The following TLE3 variants were observed in gnomAD, a reference collection of about 807,000 sequenced individuals.
The protein encoded by TLE3 is TLE family member 3, transcriptional corepressor.
In TLE3, 14 loss-of-function variants were observed where a neutral mutation model predicts 93.0. The observed-to-expected ratio is 0.15, with a 90% CI of 0.10 to 0.24. The LOEUF is 0.24. Ranked by LOEUF, TLE3 falls within the 10% of genes least tolerant of loss-of-function variation. The pLI, the probability that TLE3 is intolerant of heterozygous loss-of-function variation, is 1.00. For missense variants in TLE3, 693 were observed against 1,046.6 expected, an observed-to-expected ratio of 0.66 and a Z score of 4.66; for synonymous variants, 451 against 425.0, an observed-to-expected ratio of 1.06 and a Z score of -0.75.
intron 16 of TLE3, 171 bp from the exon 17 acceptor site, chr15:70,053,545 T>G: frequency 4.5e-6 from 3 of 673,102 alleles, no homozygotes; most frequent in East Asian, 3.3e-5. Context: ...CTCTTTCCAG[T>G]TCCAGGCCTC....
intron 4 of TLE3, among the ~76,000 whole-genome samples, chr15:70,087,814 T>C (rs2058100133): frequency 6.6e-6 from 1 of 152,260 alleles, no homozygotes; most frequent in Admixed American, 6.5e-5. Flanking sequence ...TCCAAAGGAC[T>C]GCATTTTCAA....
At chr15:70,089,416 G>A (rs927319824) in intron 4 of TLE3, among the ~76,000 whole-genome samples, 1 of 152,142 alleles carries the variant, frequency 6.6e-6, no homozygotes, top group African/African-American at 2.4e-5. Flanking sequence ...ACTGCTTTGG[G>A]AATGAATCCA....
Position 70,049,346 on chromosome 15 carries a change from C to T in TLE3, c.*751G>A, listed in dbSNP as rs554628036. ...AGTGCCTTCCATCCCTCAGTCTGGC[C>T]GGCTGGTTATCAGTCCGGATGCCCA... is the stretch of plus-strand genomic sequence containing the variant. On this transcript the variant is annotated 3_prime_UTR_variant, in exon 20 of 20. Transcript: ENST00000451782. 3.9e-5 allele frequency: 6 copies of T among 152,326 alleles called. No individual in the cohort carries two copies. The highest frequency in any genetic ancestry group is 4.1e-4 in the South Asian group (2 of 4,826). 9.4% of individuals were successfully genotyped at this position (152,326 alleles called of 1,614,324 possible).
chr15:70,072,055 G>A (rs551526687), intron 6 of TLE3, among the ~76,000 whole-genome samples: 34 of 152,230 alleles, frequency 2.2e-4, no homozygotes, highest in Non-Finnish European at 4.1e-4. Context: ...GTCAGGCGCA[G>A]CGATTAGACG....
In TLE3 at chr15:70,058,351, G is replaced by GGCA; in HGVS notation, c.919-63_919-61dup. 1.1e-5 allele frequency: 17 copies of GGCA among 1,538,874 alleles called. No individual in the cohort carries two copies. The highest frequency in any genetic ancestry group is 1.5e-5 in the Non-Finnish European group (17 of 1,141,834). On this transcript the variant is annotated intron_variant, in intron 11 of 19. Coordinates refer to ENST00000451782, the MANE Select transcript of TLE3 (RefSeq NM_001105192.3). This position sits in a 1 kb window ranked among gnomAD's most constrained non-coding sequence, Gnocchi z 4.1. ...GAGGCTTCCATTCTCCTAGGAGCCG[G>GGCA]GCACAACTGGTGCCGGTCCCAACGT... is the stretch of plus-strand genomic sequence containing the variant.
intron 4 of TLE3, among the ~76,000 whole-genome samples, chr15:70,078,754 C>G (rs2057586222): frequency 6.6e-6 from 1 of 152,230 alleles, no homozygotes; most frequent in Admixed American, 6.5e-5. Context: ...GGCCACTACT[C>G]CTCCCCACAG....
intron 19 of TLE3, 42 bp from the exon 20 acceptor site, chr15:70,050,246 G>A (rs1218785872): frequency 6.7e-7 from 1 of 1,484,054 alleles, no homozygotes; most frequent in East Asian, 2.3e-5. Flanking sequence ...AAGGCGTGGG[G>A]TGCAGGGAGA....
At position 70,095,432 on chromosome 15, in the gene TLE3, G is replaced by A. The variant is rs1305088203; in HGVS notation, c.189+146C>T. The A allele has an allele frequency of 3.3e-6, 5 of 1,516,284 alleles. 1 individual carries two copies. The highest frequency in any genetic ancestry group is 2.5e-5 in the South Asian group (2 of 78,586). The allele number at this position is 1,516,284 out of a possible 1,614,324, so 93.9% of individuals were successfully genotyped here. A position where few individuals can be genotyped will look rare whatever the true frequency, so the allele number is the denominator to read the frequency against. On this transcript the variant is annotated intron_variant, in intron 3 of 19. Coordinates refer to ENST00000451782, the MANE Select transcript of TLE3 (RefSeq NM_001105192.3). Reference sequence around the variant, plus strand: ...CGGCAATGGAAGCTGGGGAAGGGGAGGGCAAGACCAGATTATGCCCTCTCT... The same window carrying A: ...CGGCAATGGAAGCTGGGGAAGGGGAAGGCAAGACCAGATTATGCCCTCTCT...
chr15:70,074,777 CT>C (rs2057360535), intron 5 of TLE3, among the ~76,000 whole-genome samples, 170 bp from the exon 6 acceptor site: 1 of 152,214 alleles, frequency 6.6e-6, no homozygotes, highest in African/African-American at 2.4e-5. Context: ...ATTTTACTTT[CT>C]CTTTTAGACC....
At chr15:70,052,002 G>A (rs1370371863) in intron 18 of TLE3, among the ~76,000 whole-genome samples, 1 of 152,222 alleles carries the variant, frequency 6.6e-6, no homozygotes, top group Non-Finnish European at 1.5e-5. Flanking sequence ...GTTCAAGACT[G>A]CACAGCTTGT....
intron 6 of TLE3, among the ~76,000 whole-genome samples, chr15:70,068,680 C>T (rs1262487078): frequency 6.6e-6 from 1 of 152,218 alleles, no homozygotes; most frequent in African/African-American, 2.4e-5. Flanking sequence ...AAGTCTGTTT[C>T]TAGAGAAAAT....
intron 4 of TLE3, among the ~76,000 whole-genome samples, chr15:70,084,266 G>T (rs186354253): frequency 6.6e-6 from 1 of 152,200 alleles, no homozygotes; most frequent in African/African-American, 2.4e-5. Flanking sequence ...TTTCCCCCAA[G>T]GGATTCTGGC....
chr15:70,057,356 G>A, intron 13 of TLE3, 103 bp downstream of exon 13: 1 of 1,357,156 alleles, frequency 7.4e-7, no homozygotes, highest in East Asian at 2.5e-5. Flanking sequence ...GCCTGGCCTT[G>A]AGACCCTGAG....
rs1038133942 is a variant in TLE3 at position 70,073,651 on chromosome 15, G to C, written c.372+882C>G. Among the ~76,000 whole-genome samples, 4 of 152,220 alleles carry C rather than the reference G, an allele frequency of 2.6e-5. No homozygotes were observed. The East Asian group carries it at 7.7e-4, about 29-fold the overall frequency. On this transcript the variant is annotated intron_variant, in intron 6 of 19. Coordinates refer to ENST00000451782, the MANE Select transcript of TLE3 (RefSeq NM_001105192.3). ...GTCCAGAAGCTCCTCCGTGGACTGGGAAGCAGTGATCCTGTCCACCCTCTT... is the reference window on the plus strand; with the variant it reads ...GTCCAGAAGCTCCTCCGTGGACTGGCAAGCAGTGATCCTGTCCACCCTCTT...
chr15:70,097,598 A>G lies in TLE3; in HGVS notation c.-800T>C, dbSNP rs1164012684. The G allele has an allele frequency of 5.0e-6, 2 of 398,348 alleles. No individual in the cohort carries two copies. The highest frequency in any genetic ancestry group is 2.1e-5 in the African/African-American group (1 of 48,582). The allele number at this position is 398,348 out of a possible 1,614,324, so 24.7% of individuals were successfully genotyped here. On this transcript the variant is annotated 5_prime_UTR_variant, in exon 1 of 20. Coordinates refer to ENST00000451782, the MANE Select transcript of TLE3 (RefSeq NM_001105192.3). ...AAGGGTTCTCGCTGCTCCCAGCTTG[A>G]GCACCGCGTCCCCACCGAGGAGCGC...
intron 18 of TLE3, 51 bp downstream of exon 18, chr15:70,052,323 C>T: frequency 6.3e-7 from 1 of 1,594,274 alleles, no homozygotes; most frequent in Admixed American, 1.7e-5. Context: ...GGCCAGGCTG[C>T]CCTGGGTTCC....
intron 5 of TLE3, among the ~76,000 whole-genome samples, chr15:70,075,363 C>G (rs2057384883): frequency 6.6e-6 from 1 of 152,240 alleles, no homozygotes; most frequent in Admixed American, 6.5e-5. Flanking sequence ...TTCCCTTTGG[C>G]CTTGAGGTAG....
At chr15:70,052,238 A>AG in intron 18 of TLE3, 136 bp downstream of exon 18, 1 of 1,076,610 alleles carries the variant, frequency 9.3e-7, no homozygotes, top group Non-Finnish European at 1.3e-6. Flanking sequence ...AAGGGGCACC[A>AG]GCTCAGGGGT....
At chr15:70,054,831 T>C (rs1595866545) in intron 15 of TLE3, 146 bp from the exon 16 acceptor site, 1 of 1,279,026 alleles carries the variant, frequency 7.8e-7, no homozygotes, top group Non-Finnish European at 1.0e-6. Context: ...TCCCCATTCC[T>C]CAAATTCACA....
Sources: gnomAD v4.1 joint callset for allele counts (sites outside exome capture counted in the v4.1 genomes callset) on GRCh38, gnomAD v4.1.1 for gene constraint, Gnocchi (gnomAD v3.1) non-coding constraint, MANE v1.5 for transcripts, NCBI Gene and HGNC (gene_info 2026-07-23, HGNC 2026-07-21) for gene names.